The following RNF138 variants were observed in gnomAD, a reference collection of about 807,000 sequenced individuals.
The protein encoded by RNF138 is ring finger protein 138, also known as E3 ubiquitin-protein ligase RNF138.
RNF138 carries 12 observed loss-of-function variants against 31.0 expected under a neutral mutation model. The observed-to-expected ratio is 0.39, with a 90% CI of 0.25 to 0.63. The LOEUF (loss-of-function observed/expected upper bound fraction) is 0.63, where lower values mean the gene tolerates loss of function less well. RNF138 is among the 20% of genes least tolerant of loss of function. The pLI is 0.52. For missense variants in RNF138, 192 were observed against 300.1 expected, an observed-to-expected ratio of 0.64 and a Z score of 2.66; for synonymous variants, 105 against 99.5, an observed-to-expected ratio of 1.06 and a Z score of -0.33.
At chr18:32,093,725 T>C (rs544670384) in intron 2 of RNF138, among the ~76,000 whole-genome samples, 8 of 152,156 alleles carry the variant, frequency 5.3e-5, no homozygotes, top group Non-Finnish European at 1.2e-4. Flanking sequence ...ATGCGTTTGA[T>C]TGGCAGGCAT....
intron 2 of RNF138, among the ~76,000 whole-genome samples, chr18:32,097,621 C>T (rs1249716536): frequency 6.6e-6 from 1 of 151,944 alleles, no homozygotes; most frequent in Non-Finnish European, 1.5e-5. Context: ...GTAGCTGGGA[C>T]TACAGGCACA....
chr18:32,094,088 G>A (rs976801452), intron 2 of RNF138, among the ~76,000 whole-genome samples: 4 of 152,066 alleles, frequency 2.6e-5, no homozygotes, highest in African/African-American at 9.7e-5. Context: ...ACCGCGCCCC[G>A]CCCGGAAATC....
chr18:32,123,679 TCTCACTTTG>T, intron 5 of RNF138, 105 bp downstream of exon 5: 2 of 713,060 alleles, frequency 2.8e-6, no homozygotes, highest in Non-Finnish European at 4.2e-6. Flanking sequence ...TGAGACGGAG[TCTCACTTTG>T]TTTTCCCAGG....
At chr18:32,097,926 GTA>G (rs2039840333) in intron 2 of RNF138, among the ~76,000 whole-genome samples, 2 of 148,490 alleles carry the variant, frequency 1.3e-5, no homozygotes, top group African/African-American at 2.5e-5. Context: ...GTGTGTGTGT[GTA>G]TATGTGTATG....
In RNF138 at chr18:32,130,125, G is replaced by A. The variant is rs759694854; in HGVS notation, c.*938G>A. 6.6e-6 allele frequency: 1 copy of A among 152,370 alleles called. No homozygotes were observed. The highest frequency in any genetic ancestry group is 1.5e-5 in the Non-Finnish European group (1 of 67,890). 9.4% of individuals were successfully genotyped at this position (152,370 alleles called of 1,614,324 possible). ...ATATATACACATATGTGTGTATGCA[G>A]TTTGTCAGGTTATATATAGAATTTC... On this transcript the variant is annotated 3_prime_UTR_variant, in exon 8 of 8. Coordinates refer to ENST00000261593, the MANE Select transcript of RNF138 (RefSeq NM_016271.5).
chr18:32,111,581 C>T (rs1438200574), intron 2 of RNF138, among the ~76,000 whole-genome samples, 173 bp from the exon 3 acceptor site: 1 of 152,162 alleles, frequency 6.6e-6, no homozygotes, highest in African/African-American at 2.4e-5. Flanking sequence ...AGTTATCAGT[C>T]TTACTCTCTG....
At chr18:32,112,055 G>A (rs2040141526) in intron 3 of RNF138, 136 bp downstream of exon 3, 2 of 653,382 alleles carry the variant, frequency 3.1e-6, no homozygotes, top group Non-Finnish European at 4.7e-6. Flanking sequence ...GGATAGAAAA[G>A]GCCAAAAAAA....
intron 1 of RNF138, 48 bp from the exon 2 acceptor site, chr18:32,092,652 C>T (rs967912400): frequency 3.0e-6 from 2 of 662,378 alleles, no homozygotes; most frequent in Admixed American, 2.2e-5. Context: ...CTTCCTGGCG[C>T]GCGCTGTATC....
At position 32,107,086 on chromosome 18, in the gene RNF138, G is replaced by C. The variant is rs539688216; in HGVS notation, c.111-4668G>C. 6.2e-5 allele frequency among the ~76,000 whole-genome samples: 9 copies of C among 144,378 alleles called. No individual in the cohort carries two copies. In the South Asian group the frequency reaches 6.7e-4, roughly 11 times the overall value. 94.7% of individuals were successfully genotyped at this position (144,378 alleles called of 152,430 possible). ...GGATTAGGGCTCTTGTGTGTTAACT[G>C]TCTCTGGTTAAATTCACTTTCCTTT... On this transcript the variant is annotated intron_variant, in intron 2 of 7. Coordinates refer to ENST00000261593, the MANE Select transcript of RNF138 (RefSeq NM_016271.5).
chr18:32,114,526 A>G (rs2040184222), intron 4 of RNF138, among the ~76,000 whole-genome samples: 2 of 152,168 alleles, frequency 1.3e-5, no homozygotes, highest in South Asian at 4.1e-4. Context: ...TCTCTATGTG[A>G]GCTCCTGCCC....
At chr18:32,111,996 G>T (rs2040140187) in intron 3 of RNF138, 77 bp downstream of exon 3, 10 of 1,277,662 alleles carry the variant, frequency 7.8e-6, no homozygotes, top group East Asian at 2.6e-5. Context: ...TTTCTTGGTT[G>T]GTGTTTTTTT....
At chr18:32,111,370 G>A (rs964763242) in intron 2 of RNF138, among the ~76,000 whole-genome samples, 7 of 152,174 alleles carry the variant, frequency 4.6e-5, no homozygotes, top group African/African-American at 1.7e-4. Context: ...GGGAGGAAAT[G>A]GAGATCCAGT....
intron 2 of RNF138, among the ~76,000 whole-genome samples, chr18:32,103,062 G>T (rs2039970426): frequency 6.6e-6 from 1 of 151,960 alleles, no homozygotes; most frequent in Admixed American, 6.6e-5. Context: ...GTATATTTTT[G>T]AATCCAGACC....
intron 2 of RNF138, chr18:32,109,410 G>A (rs944851928): frequency 1.3e-5 from 2 of 152,248 alleles, no homozygotes; most frequent in African/African-American, 4.8e-5. Context: ...AGGATTACAG[G>A]TGTGAGCCAC....
intron 1 of RNF138, 174 bp from the exon 2 acceptor site, chr18:32,092,526 C>G: frequency 2.1e-6 from 1 of 487,412 alleles, no homozygotes; most frequent in Non-Finnish European, 3.7e-6. Flanking sequence ...TCCCGCCAAG[C>G]ACCGTCCCCC....
intron 4 of RNF138, 99 bp downstream of exon 4, chr18:32,113,959 G>A (rs1188057385): frequency 4.8e-6 from 3 of 618,722 alleles, no homozygotes; most frequent in African/African-American, 2.0e-5. Context: ...GTGTGTGTGT[G>A]TATGTGCACA....
intron 3 of RNF138, among the ~76,000 whole-genome samples, chr18:32,112,276 G>A (rs1383090839): frequency 2.0e-5 from 3 of 152,188 alleles, no homozygotes; most frequent in Admixed American, 1.3e-4. Context: ...TCTCATGGTA[G>A]CATCATTATT....
rs565027071 is a variant in RNF138 at position 32,114,792 on chromosome 18, C to G, written c.392+932C>G. Among the ~76,000 whole-genome samples, 77 of 152,244 alleles carry G rather than the reference C, an allele frequency of 5.1e-4. 1 individual carries two copies. In the South Asian group the frequency reaches 0.014, roughly 28 times the overall value. ...TAGTAGCCTTTCATTTTACATATTG[C>G]TAATTTTTAGTAACTTAACCGCCCT... On this transcript the variant is annotated intron_variant, in intron 4 of 7. Coordinates refer to ENST00000261593, the MANE Select transcript of RNF138 (RefSeq NM_016271.5).
intron 4 of RNF138, among the ~76,000 whole-genome samples, chr18:32,122,811 G>T (rs2040327183): frequency 6.6e-6 from 1 of 152,156 alleles, no homozygotes; most frequent in African/African-American, 2.4e-5. Context: ...GCGACAGATT[G>T]AGACTCCAGC....
Sources: allele counts gnomAD v4.1 joint callset (sites outside exome capture counted in the v4.1 genomes callset), GRCh38; gene constraint gnomAD v4.1.1; transcripts MANE v1.5; gene names NCBI Gene and HGNC (gene_info 2026-07-23, HGNC 2026-07-21).